Variants in TP53BP1 observed in about 807,000 individuals in gnomAD.
TP53BP1 encodes the protein tumor protein p53 binding protein 1.
Under a neutral mutation model 200.8 loss-of-function variants are expected in TP53BP1, and 61 were observed. That is an observed-to-expected ratio of 0.30 (90% CI 0.25 to 0.38). The LOEUF is 0.38. TP53BP1 is among the 10% of genes least tolerant of loss of function. The probability of loss-of-function intolerance (pLI) is 1.00; values close to 1 mark genes in which losing one functional copy is unlikely to be tolerated. For missense variants in TP53BP1, 2,144 were observed against 2,371.9 expected (o/e 0.90, Z 2.00); for synonymous variants, 822 against 844.3 (o/e 0.97, Z 0.46).
chr15:43,427,798 A>G (rs2045578506), intron 18 of TP53BP1, among the ~76,000 whole-genome samples: 1 of 152,148 alleles, frequency 6.6e-6, no homozygotes. Flanking sequence ...CATCCAAAAA[A>G]TAAACAAAAT....
intron 11 of TP53BP1, among the ~76,000 whole-genome samples, chr15:43,461,062 C>G: frequency 6.6e-6 from 1 of 151,034 alleles, no homozygotes. Flanking sequence ...CAAAACACAA[C>G]AGCCCTGAAA....
intron 12 of TP53BP1, among the ~76,000 whole-genome samples, chr15:43,447,921 T>C (rs556992785): frequency 1.3e-5 from 2 of 152,354 alleles, no homozygotes; most frequent in Admixed American, 6.5e-5. Flanking sequence ...TAATAGTCTG[T>C]AGGATTCTCC....
chr15:43,457,708 C>T (rs910052440), intron 11 of TP53BP1, among the ~76,000 whole-genome samples: 1 of 119,658 alleles, frequency 8.4e-6, no homozygotes, highest in Non-Finnish European at 1.7e-5. Context: ...AAAAAGCTAG[C>T]ATTCATAAAG....
At chr15:43,453,819 A>C (rs557928927) in intron 12 of TP53BP1, among the ~76,000 whole-genome samples, 14 of 150,880 alleles carry the variant, frequency 9.3e-5, no homozygotes, top group African/African-American at 3.4e-4. Flanking sequence ...TGCTGGGATT[A>C]CAGGCGTGAG....
intron 11 of TP53BP1, 79 bp from the exon 12 acceptor site, chr15:43,457,297 A>G: frequency 8.1e-7 from 1 of 1,240,602 alleles, no homozygotes; most frequent in Non-Finnish European, 1.1e-6. Flanking sequence ...GGATTCATAT[A>G]AAATTTCTAA....
chr15:43,490,703 G>A (rs1480811059), intron 4 of TP53BP1, among the ~76,000 whole-genome samples: 1 of 152,272 alleles, frequency 6.6e-6, no homozygotes, highest in East Asian at 1.9e-4. Context: ...GAATGAAAGA[G>A]GAGGCATTAG....
At chr15:43,492,144 A>G (rs2079133436) in intron 2 of TP53BP1, 49 bp from the exon 3 acceptor site, 2 of 1,525,870 alleles carry the variant, frequency 1.3e-6, no homozygotes, top group East Asian at 4.5e-5. Context: ...AAATAGTTCA[A>G]AATGAAACCT....
chr15:43,437,948 C>T (rs1023411070), intron 16 of TP53BP1, among the ~76,000 whole-genome samples: 3 of 152,188 alleles, frequency 2.0e-5, no homozygotes, highest in African/African-American at 4.8e-5. Flanking sequence ...TCTAGACGGC[C>T]AGCTGGTAAG....
chr15:43,455,895 T>C lies in TP53BP1; in HGVS notation c.2713A>G (p.Ser905Gly), dbSNP rs2046281308. The C allele has an allele frequency of 5.0e-6, 8 of 1,613,888 alleles. No homozygotes were observed. Among genetic ancestry groups the C allele is most frequent in the African/African-American group, 1.3e-5 (1 of 75,034 alleles). ...AATAATCTACAATCACACTCACCAC[T>C]AGAACTTTCACAGAAGCTTTGTGAG... ...HASQSFCESS[S>G]ETPFHFTLPK... Residue 905 changes from serine to glycine, a missense_variant, in exon 12 of 28, where the codon AGT becomes GGT. Around this residue, in one of 4 missense-constraint regions of TP53BP1, gnomAD observed 1,700 missense variants for 1,710.3 expected, o/e 0.99. Transcript: ENST00000382044.
chr15:43,416,541 G>C, intron 21 of TP53BP1, 125 bp from the exon 22 acceptor site: 2 of 828,138 alleles, frequency 2.4e-6, no homozygotes, highest in Non-Finnish European at 3.7e-6. Flanking sequence ...ACTGAAGTTA[G>C]GACTTAACAA....
chr15:43,447,275 G>T, intron 13 of TP53BP1, 91 bp downstream of exon 13: 1 of 1,398,898 alleles, frequency 7.1e-7, no homozygotes, highest in Non-Finnish European at 9.8e-7. Context: ...TTACCAGCCA[G>T]ACCCAACTCC....
intron 12 of TP53BP1, among the ~76,000 whole-genome samples, chr15:43,452,970 G>A (rs572007598): frequency 2.0e-4 from 30 of 151,980 alleles, no homozygotes; most frequent in Non-Finnish European, 3.7e-4. Flanking sequence ...CGAGGCGGGC[G>A]GATCACGAGG....
chr15:43,451,692 A>G (rs2046174845), intron 12 of TP53BP1, among the ~76,000 whole-genome samples: 1 of 152,320 alleles, frequency 6.6e-6, no homozygotes, highest in African/African-American at 2.4e-5. Flanking sequence ...TCCTTTGGGT[A>G]TATACCCAGT....
rs190793947 is a variant in TP53BP1, at chr15:43,474,229, G to A, written c.1180+444C>T. ...GAACTCCAGCTGGCCCGCAAGCGCC[G>A]CGCACAGCCCCGGTTGCTGCTCGCA... is the stretch of plus-strand genomic sequence containing the variant. On this transcript the variant is annotated intron_variant, in intron 10 of 27. Coordinates refer to ENST00000382044, the MANE Select transcript of TP53BP1 (RefSeq NM_001141980.3). 9.5e-4 allele frequency among the ~76,000 whole-genome samples: 145 copies of A among 152,224 alleles called. 1 individual carries two copies. The East Asian group carries it at 0.014, about 15-fold the overall frequency.
chr15:43,421,435 C>A (rs1267756806), intron 19 of TP53BP1, among the ~76,000 whole-genome samples: 1 of 152,148 alleles, frequency 6.6e-6, no homozygotes. Flanking sequence ...ACAGCACACC[C>A]AATTTCTGCT....
chr15:43,442,082 A>AT (rs1158826286), intron 14 of TP53BP1, among the ~76,000 whole-genome samples: 2,005 of 123,516 alleles, frequency 0.016, 53 homozygotes, highest in African/African-American at 0.039. Context: ...ATTTGTTTTA[A>AT]TTTTTTTTTT....
intron 1 of TP53BP1, among the ~76,000 whole-genome samples, chr15:43,502,810 T>G (rs898213704): frequency 4.0e-5 from 6 of 151,542 alleles, no homozygotes; most frequent in East Asian, 1.9e-4. Flanking sequence ...AGCTGGAGTG[T>G]GATGGCATGA....
At chr15:43,411,670 G>C (rs1427264234) in intron 24 of TP53BP1, among the ~76,000 whole-genome samples, 5 of 152,228 alleles carry the variant, frequency 3.3e-5, no homozygotes, top group African/African-American at 1.2e-4. Context: ...CCAACATAAA[G>C]ACACATTCAC....
chr15:43,437,253 AAACTAAGGAG>A (rs1041160680), intron 16 of TP53BP1, among the ~76,000 whole-genome samples: 1 of 152,206 alleles, frequency 6.6e-6, no homozygotes, highest in African/African-American at 2.4e-5. Flanking sequence ...GCTCTGTGGG[AAACTAAGGAG>A]AAATAAAAAG....
Sources: allele counts gnomAD v4.1 joint callset (sites outside exome capture counted in the v4.1 genomes callset), GRCh38; gene constraint gnomAD v4.1.1; regional missense constraint gnomAD v4.1.1; transcripts MANE v1.5; gene names NCBI Gene and HGNC (gene_info 2026-07-23, HGNC 2026-07-21).